Variants in RNASE4 observed in about 807,000 individuals in gnomAD.
RNASE4 encodes ribonuclease A family member 4.
For missense variants in RNASE4, 194 were observed against 192.8 expected, an observed-to-expected ratio of 1.01 and a Z score of -0.04; for synonymous variants, 93 against 71.4, an observed-to-expected ratio of 1.30 and a Z score of -1.52.
chr14:20,699,241 A>G (rs1887195760), intron 1 of RNASE4, 114 bp from the exon 2 acceptor site: 1 of 831,940 alleles, frequency 1.2e-6, no homozygotes, highest in South Asian at 1.8e-5. Flanking sequence ...TGGTGCATAT[A>G]AGAAGGAGGA....
chr14:20,698,677 T>C (rs765415369), intron 1 of RNASE4, among the ~76,000 whole-genome samples: 3 of 152,130 alleles, frequency 2.0e-5, no homozygotes, highest in Non-Finnish European at 2.9e-5. Flanking sequence ...AGAATTAGAA[T>C]AATACATTTT....
At position 20,699,846 on chromosome 14, in the gene RNASE4, T is replaced by C. The variant is rs756628253; in HGVS notation, c.*31T>C. The C allele has an allele frequency of 9.4e-6, 15 of 1,593,858 alleles. No homozygotes were observed. Among genetic ancestry groups the C allele is most frequent in the South Asian group, 1.1e-5 (1 of 89,674 alleles). ...ACCATGTAGGGATTATCGCGAGTGG[T>C]TGACCTTACACTTACTCCTTAAATA... On this transcript the variant is annotated 3_prime_UTR_variant, in exon 2 of 2. Transcript: ENST00000555835.
chr14:20,686,570 G>A, intron 1 of RNASE4, among the ~76,000 whole-genome samples: 1 of 152,248 alleles, frequency 6.6e-6, no homozygotes, highest in Non-Finnish European at 1.5e-5. Context: ...GGGAAAGAGG[G>A]AATGGGAACA....
At chr14:20,686,767 G>A (rs1416310691) in intron 1 of RNASE4, among the ~76,000 whole-genome samples, 11 of 152,114 alleles carry the variant, frequency 7.2e-5, no homozygotes, top group Admixed American at 6.5e-4. Flanking sequence ...TGTTACTTCC[G>A]TTATTGAATA....
At chr14:20,694,137 C>T (rs1886984513) in intron 1 of RNASE4, 5 of 985,450 alleles carry the variant, frequency 5.1e-6, no homozygotes, top group Non-Finnish European at 8.0e-6. Context: ...CTTTTGTTTT[C>T]TGTTTGACAA....
chr14:20,699,479 C>G lies in RNASE4; in HGVS notation c.108C>G (p.Phe36Leu). The change falls in exon 2 of 2, where the codon TTC (phenylalanine) becomes TTG (leucine). Residue 36 changes from phenylalanine to leucine, a missense_variant. By Grantham distance (22) the Phe-to-Leu change is conservative. Transcript: ENST00000555835. ...GCCAGGATGGCATGTACCAGCGATT[C>G]CTGCGGCAACACGTGCACCCTGAGG... ...SYGQDGMYQR[F>L]LRQHVHPEET... 1 of 1,614,086 alleles carries G rather than the reference C, an allele frequency of 6.2e-7. No individual in the cohort carries two copies. Among genetic ancestry groups the G allele is most frequent in the Non-Finnish European group, 8.5e-7 (1 of 1,180,018 alleles).
intron 1 of RNASE4, among the ~76,000 whole-genome samples, chr14:20,691,665 G>A (rs560964694): frequency 2.0e-4 from 30 of 152,274 alleles, no homozygotes; most frequent in African/African-American, 5.5e-4. Context: ...ATGTCGGTGC[G>A]GACAAATTTG....
chr14:20,688,730 A>G (rs555346515), intron 1 of RNASE4: 1 of 985,336 alleles, frequency 1.0e-6, no homozygotes, highest in African/African-American at 1.7e-5. Flanking sequence ...GGACTGGGAC[A>G]CTATATATTA....
Position 20,699,745 on chromosome 14 carries a change from T to TAGCG in RNASE4, c.378_381dup (p.Thr128GlufsTer3). 3 of 1,611,438 alleles carry TAGCG rather than the reference T, an allele frequency of 1.9e-6. No homozygotes were observed. The highest frequency in any genetic ancestry group is 2.5e-6 in the Non-Finnish European group (3 of 1,180,032). ...GCACCCAACTGCAGATATCGGGCCA[T>TAGCG]AGCGAGCACTAGACGTGTTGTCATT... On this transcript the variant is annotated frameshift_variant, in exon 2 of 2. Transcript: ENST00000555835. LOFTEE classifies it high-confidence loss of function.
intron 1 of RNASE4, among the ~76,000 whole-genome samples, chr14:20,691,379 A>G (rs1333127872): frequency 2.0e-5 from 3 of 152,254 alleles, no homozygotes; most frequent in Non-Finnish European, 2.9e-5. Context: ...ATTACAAATC[A>G]ATAAAACTTT....
chr14:20,689,046 G>A (rs1886560746), intron 1 of RNASE4, among the ~76,000 whole-genome samples: 1 of 152,192 alleles, frequency 6.6e-6, no homozygotes, highest in Non-Finnish European at 1.5e-5. Flanking sequence ...TGGCCTATGT[G>A]TGGATAAAGA....
chr14:20,687,485 C>T (rs898897635), intron 1 of RNASE4, among the ~76,000 whole-genome samples: 7 of 152,182 alleles, frequency 4.6e-5, no homozygotes, highest in Admixed American at 2.6e-4. Context: ...TGTGTGTGTG[C>T]AGGCGCATAT....
intron 1 of RNASE4, among the ~76,000 whole-genome samples, chr14:20,693,263 G>A (rs1365034481): frequency 6.6e-6 from 1 of 152,196 alleles, no homozygotes; most frequent in Non-Finnish European, 1.5e-5. Flanking sequence ...AGTGAGAGTG[G>A]ATTTTGTAAT....
chr14:20,691,234 T>C (rs1370102577), intron 1 of RNASE4, among the ~76,000 whole-genome samples: 1 of 152,222 alleles, frequency 6.6e-6, no homozygotes, highest in African/African-American at 2.4e-5. Flanking sequence ...TTTTAGGTAC[T>C]AGCAGCTCTG....
chr14:20,691,957 T>C (rs1886774814), intron 1 of RNASE4, among the ~76,000 whole-genome samples: 1 of 152,250 alleles, frequency 6.6e-6, no homozygotes, highest in South Asian at 2.1e-4. Context: ...CCATGGCCTT[T>C]TTTTAAGCTC....
chr14:20,699,563 G>A lies in RNASE4; in HGVS notation c.192G>A (p.Leu64=), dbSNP rs144146051. The A allele has an allele frequency of 2.5e-6, 4 of 1,614,068 alleles. No homozygotes were observed. The African/African-American group carries it at 5.3e-5, about 22-fold the overall frequency. The change falls in exon 2 of 2, where the codon TTG becomes TTA. Residue 64 remains leucine, a synonymous_variant. Coordinates refer to ENST00000555835, the MANE Select transcript of RNASE4 (RefSeq NM_002937.5). ...TGATGCAAAGACGGAAGATGACTTT[G>A]TATCACTGCAAGCGCTTCAACACCT... The part of the protein sequence containing the change: ...NLMMQRRKMT[L]YHCKRFNTFI...
rs1039410752 is a variant in RNASE4 at position 20,699,857 on chromosome 14, C to T, written c.*42C>T. 2.6e-6 allele frequency: 4 copies of T among 1,552,818 alleles called. No homozygotes were observed. The highest frequency in any genetic ancestry group is 1.4e-5 in the African/African-American group (1 of 73,932). On this transcript the variant is annotated 3_prime_UTR_variant, in exon 2 of 2. Transcript: ENST00000555835. ...ATTATCGCGAGTGGTTGACCTTACA[C>T]TTACTCCTTAAATAGCAGTGAGTAA...
Position 20,696,777 on chromosome 14 carries a change from C to T in RNASE4, c.-17-2578C>T, listed in dbSNP as rs375391676. The stretch of plus-strand genomic sequence containing the variant: ...ATTGCCAATATTTACTGAGCATTTA[C>T]CCTGTGCTAGGCCTTGTTATAGGCG... On this transcript the variant is annotated intron_variant, in intron 1 of 1. Coordinates refer to ENST00000555835, the MANE Select transcript of RNASE4 (RefSeq NM_002937.5). 1.1e-3 allele frequency among the ~76,000 whole-genome samples: 162 copies of T among 151,902 alleles called. 1 individual carries two copies. The highest frequency in any genetic ancestry group is 3.8e-3 in the African/African-American group (156 of 41,436).
chr14:20,698,085 A>G (rs1191189219), intron 1 of RNASE4, among the ~76,000 whole-genome samples: 2 of 152,202 alleles, frequency 1.3e-5, no homozygotes, highest in Non-Finnish European at 1.5e-5. Flanking sequence ...CACAGGGTGT[A>G]GACTAAGATA....
Sources: allele counts gnomAD v4.1 joint callset (sites outside exome capture counted in the v4.1 genomes callset), GRCh38; gene constraint gnomAD v4.1.1; transcripts MANE v1.5; gene names NCBI Gene and HGNC (gene_info 2026-07-23, HGNC 2026-07-21).